Variants in GALNT13 observed in about 807,000 individuals in gnomAD.
GALNT13 encodes polypeptide N-acetylgalactosaminyltransferase 13.
A neutral mutation model predicts 64.2 loss-of-function variants in GALNT13; 28 were observed. The ratio of observed to expected loss-of-function variants is 0.44; its 90% CI spans 0.32 to 0.60. The LOEUF (loss-of-function observed/expected upper bound fraction) is 0.60. Among genes scored for constraint, GALNT13 ranks in the 20% least tolerant of loss-of-function variants. GALNT13 has a pLI of 0.05. For missense variants in GALNT13, 577 were observed against 669.8 expected (o/e 0.86, Z 1.53); for synonymous variants, 214 against 224.6 (o/e 0.95, Z 0.42).
chr2:153,875,112 A>ATG (rs1491395195), intron 1 of GALNT13, among the ~76,000 whole-genome samples: 3 of 60 alleles, frequency 0.05, no homozygotes, highest in Non-Finnish European at 0.075. Context: ...CTACTGCTTC[A>ATG]TATATATATA....
At chr2:153,696,091 G>A in the GALNT13 span, among the ~76,000 whole-genome samples, 2 of 152,142 alleles carry the variant, frequency 1.3e-5, no homozygotes, top group African/African-American at 4.8e-5. Flanking sequence ...CCATCTGCAA[G>A]CTGAGGAGCA....
the GALNT13 span, among the ~76,000 whole-genome samples, chr2:153,112,612 G>A: frequency 6.6e-6 from 1 of 152,136 alleles, no homozygotes; most frequent in Non-Finnish European, 1.5e-5. Context: ...CTGTTCCCAG[G>A]CTAATGTTTT....
chr2:153,627,332 A>T, the GALNT13 span, among the ~76,000 whole-genome samples: 13 of 152,112 alleles, frequency 8.5e-5, no homozygotes, highest in African/African-American at 2.9e-4. Flanking sequence ...CAAATTTTAT[A>T]TTCCTTGCAT....
chr2:153,072,421 G>A, the GALNT13 span, among the ~76,000 whole-genome samples: 1 of 152,136 alleles, frequency 6.6e-6, no homozygotes, highest in Non-Finnish European at 1.5e-5. Flanking sequence ...CCTCCAAAAG[G>A]AAGAAATAAG....
At chr2:154,348,998 A>G (rs1172939043) in intron 9 of GALNT13, among the ~76,000 whole-genome samples, 4 of 152,222 alleles carry the variant, frequency 2.6e-5, no homozygotes, top group Non-Finnish European at 4.4e-5. Flanking sequence ...CATTTGTTGC[A>G]GGTTCACTAA....
the GALNT13 span, among the ~76,000 whole-genome samples, chr2:153,528,804 AAT>A: frequency 6.6e-6 from 1 of 152,042 alleles, no homozygotes; most frequent in East Asian, 1.9e-4. Flanking sequence ...GAAATTAAAT[AAT>A]ATGTTTCTGA....
chr2:153,251,035 A>C, the GALNT13 span, among the ~76,000 whole-genome samples: 4 of 152,010 alleles, frequency 2.6e-5, no homozygotes, highest in Admixed American at 1.3e-4. Flanking sequence ...CCAACACTTA[A>C]AGTAAAATAA....
the GALNT13 span, among the ~76,000 whole-genome samples, chr2:153,813,709 C>T: frequency 2.6e-5 from 4 of 152,202 alleles, no homozygotes; most frequent in Non-Finnish European, 5.9e-5. Context: ...AAATCTCAAT[C>T]TGATACAACA....
At chr2:153,919,050 T>A (rs1388600780) in intron 2 of GALNT13, among the ~76,000 whole-genome samples, 6 of 152,132 alleles carry the variant, frequency 3.9e-5, no homozygotes, top group African/African-American at 1.4e-4. Context: ...GTACTATTGA[T>A]CATTCATTCT....
the GALNT13 span, among the ~76,000 whole-genome samples, chr2:153,613,049 T>C: frequency 6.6e-6 from 1 of 152,162 alleles, no homozygotes; most frequent in African/African-American, 2.4e-5. Context: ...ACCTTTCTTA[T>C]GTAAGAAGAT....
chr2:154,165,816 G>A (rs772628762), intron 4 of GALNT13, among the ~76,000 whole-genome samples: 9 of 152,126 alleles, frequency 5.9e-5, no homozygotes, highest in Non-Finnish European at 1.0e-4. Flanking sequence ...AAAATTACAC[G>A]AAGAGAAAGC....
intron 3 of GALNT13, among the ~76,000 whole-genome samples, chr2:154,116,581 A>G (rs1360739347): frequency 6.6e-6 from 1 of 152,190 alleles, no homozygotes; most frequent in Non-Finnish European, 1.5e-5. Context: ...TTGGTTCTCT[A>G]CATACAGTCA....
intron 6 of GALNT13, among the ~76,000 whole-genome samples, chr2:154,244,927 C>T (rs1348395518): frequency 6.6e-6 from 1 of 151,890 alleles, no homozygotes; most frequent in Non-Finnish European, 1.5e-5. Flanking sequence ...TCGAGACCAA[C>T]CTAGCCAACA....
intron 9 of GALNT13, among the ~76,000 whole-genome samples, chr2:154,362,244 C>A (rs1254900535): frequency 6.9e-6 from 1 of 145,354 alleles, no homozygotes; most frequent in African/African-American, 2.6e-5. Context: ...TCTACCCCCA[C>A]CCCCACCCCA....
the GALNT13 span, among the ~76,000 whole-genome samples, chr2:153,277,923 C>CTTTTTTTTTTTTTTTT: frequency 2.2e-3 from 170 of 78,904 alleles, 60 homozygotes; most frequent in Admixed American, 2.7e-3. Context: ...GTTTTCTTTT[C>CTTTTTTTTTTTTTTTT]TTTCTTTTTT....
chr2:154,446,881 T>C, intron 12 of GALNT13: 1 of 1,033,032 alleles, frequency 9.7e-7, no homozygotes, highest in Non-Finnish European at 1.3e-6. Context: ...CTTTTCTCCA[T>C]GGAGTTAACT....
chr2:153,646,463 A>G, the GALNT13 span, among the ~76,000 whole-genome samples: 1 of 145,856 alleles, frequency 6.9e-6, no homozygotes, highest in South Asian at 2.2e-4. Context: ...TTTTATATAT[A>G]TATATATATT....
chr2:154,315,366 T>C (rs1212055471), intron 9 of GALNT13, among the ~76,000 whole-genome samples: 1 of 152,180 alleles, frequency 6.6e-6, no homozygotes, highest in Non-Finnish European at 1.5e-5. Context: ...AGACAATGGA[T>C]CCAAGCTGGG....
the GALNT13 span, among the ~76,000 whole-genome samples, chr2:153,820,504 A>G: frequency 6.6e-6 from 1 of 152,188 alleles, no homozygotes; most frequent in East Asian, 1.9e-4. Flanking sequence ...TACAAAGGGA[A>G]CACCATTAGA....
Sources: gnomAD v4.1 joint callset for allele counts (sites outside exome capture counted in the v4.1 genomes callset) on GRCh38, gnomAD v4.1.1 for gene constraint, MANE v1.5 for transcripts, NCBI Gene and HGNC (gene_info 2026-07-23, HGNC 2026-07-21) for gene names.